The following AUTS2 variants were observed in gnomAD, a reference collection of about 807,000 sequenced individuals.
The protein encoded by AUTS2 is autism susceptibility gene 2 protein.
Under a neutral mutation model 112.4 loss-of-function variants are expected in AUTS2, and 17 were observed. The observed-to-expected ratio is 0.15, with a 90% confidence interval of 0.10 to 0.23. The LOEUF (loss-of-function observed/expected upper bound fraction) is 0.23, where lower values mean the gene tolerates loss of function less well. Among genes scored for constraint, AUTS2 ranks in the 10% least tolerant of loss-of-function variants. The pLI is 1.00. For missense variants in AUTS2, 1,510 were observed against 1,701.6 expected (o/e 0.89, Z 1.98); for synonymous variants, 751 against 702.7 (o/e 1.07, Z -1.09).
intron 1 of AUTS2, among the ~76,000 whole-genome samples, chr7:69,819,454 G>A (rs1011098791): frequency 2.0e-5 from 3 of 152,166 alleles, no homozygotes; most frequent in South Asian, 2.1e-4. Context: ...TAGGCACTTT[G>A]TCAACCTCTA....
intron 5 of AUTS2, among the ~76,000 whole-genome samples, chr7:70,505,678 T>G (rs935354368): frequency 1.4e-4 from 22 of 152,186 alleles, no homozygotes; most frequent in African/African-American, 5.1e-4. Flanking sequence ...ATACCCAGGC[T>G]AAGTCCAGCC....
chr7:70,264,152 A>T (rs1024769932), intron 4 of AUTS2, among the ~76,000 whole-genome samples: 7 of 152,098 alleles, frequency 4.6e-5, no homozygotes, highest in African/African-American at 7.2e-5. Flanking sequence ...CTTCCTAGAG[A>T]CGTTTCCTCT....
At chr7:70,703,928 G>A (rs982420765) in intron 6 of AUTS2, among the ~76,000 whole-genome samples, 3 of 152,172 alleles carry the variant, frequency 2.0e-5, no homozygotes, top group South Asian at 2.1e-4. Flanking sequence ...AGACAAAGGA[G>A]TTATGAGTAG....
rs568885615 is a variant in AUTS2 at position 70,403,276 on chromosome 7, T to G, written c.661-32476T>G. ...AGCATGGGAATAGCACACTGCAACT[T>G]CTTGCCATCCCTACCCTGGGCAAAG... On this transcript the variant is annotated intron_variant, in intron 4 of 18. Transcript: ENST00000342771. Among the ~76,000 whole-genome samples, 3 of 152,364 alleles carry G rather than the reference T, an allele frequency of 2.0e-5. No homozygotes were observed. The South Asian group carries it at 6.2e-4, about 32-fold the overall frequency.
rs368249575 is a variant in AUTS2 at position 70,186,630 on chromosome 7, C to T, written c.660+52059C>T. Among the ~76,000 whole-genome samples the T allele has an allele frequency of 1.8e-4, 27 of 152,172 alleles. No individual in the cohort carries two copies. In the East Asian group the frequency reaches 4.3e-3, roughly 24 times the overall value. ...TGTCACCCGGGCTGGAGTGCAGTGG[C>T]GTGATGTCAGCTCACTGCAACCTCC... On this transcript the variant is annotated intron_variant, in intron 4 of 18. Coordinates refer to ENST00000342771, the MANE Select transcript of AUTS2 (RefSeq NM_015570.4).
At chr7:69,709,180 C>T (rs776460398) in intron 1 of AUTS2, among the ~76,000 whole-genome samples, 4 of 152,204 alleles carry the variant, frequency 2.6e-5, no homozygotes, top group Non-Finnish European at 5.9e-5. Context: ...GGCTTAAGGG[C>T]AGAGGAGAGG....
At chr7:69,683,205 T>C (rs2129170273) in intron 1 of AUTS2, among the ~76,000 whole-genome samples, 1 of 152,328 alleles carries the variant, frequency 6.6e-6, no homozygotes, top group South Asian at 2.1e-4. Flanking sequence ...CCTCCTATCC[T>C]AGTCTTTTAA....
At chr7:70,114,613 AG>A (rs1805262036) in intron 2 of AUTS2, among the ~76,000 whole-genome samples, 1 of 152,000 alleles carries the variant, frequency 6.6e-6, no homozygotes, top group Admixed American at 6.6e-5. Flanking sequence ...ACCAACATGG[AG>A]AAACCCCATC....
At chr7:70,734,304 G>T (rs1787647396) in intron 6 of AUTS2, among the ~76,000 whole-genome samples, 1 of 152,030 alleles carries the variant, frequency 6.6e-6, no homozygotes, top group African/African-American at 2.4e-5. Flanking sequence ...GCTGGGCATG[G>T]TGGCCGGTGC....
chr7:70,473,960 C>T (rs1233100014), intron 5 of AUTS2, among the ~76,000 whole-genome samples: 1 of 152,090 alleles, frequency 6.6e-6, no homozygotes, highest in East Asian at 1.9e-4. Flanking sequence ...CTTCTTCAAG[C>T]GTGGCAGAGG....
intron 2 of AUTS2, among the ~76,000 whole-genome samples, chr7:70,045,029 G>A (rs1353400777): frequency 6.6e-6 from 1 of 151,644 alleles, no homozygotes; most frequent in Non-Finnish European, 1.5e-5. Flanking sequence ...AAGTGTTACC[G>A]GACCTATTCT....
chr7:70,115,385 G>A (rs553640872), intron 2 of AUTS2, among the ~76,000 whole-genome samples: 21 of 152,154 alleles, frequency 1.4e-4, no homozygotes, highest in African/African-American at 5.1e-4. Context: ...ATGTTTTCTG[G>A]GCTGGTCTCG....
intron 5 of AUTS2, among the ~76,000 whole-genome samples, chr7:70,693,509 G>A (rs60408354): frequency 0.12 from 18,857 of 152,178 alleles, 1,521 homozygotes; most frequent in East Asian, 0.24. Flanking sequence ...ATCAAACCGA[G>A]CACACTGCGG....
At chr7:69,648,797 G>T (rs1433482434) in intron 1 of AUTS2, among the ~76,000 whole-genome samples, 1 of 152,204 alleles carries the variant, frequency 6.6e-6, no homozygotes, top group Non-Finnish European at 1.5e-5. Context: ...GGGATTTTGT[G>T]AAGATTAATA....
intron 6 of AUTS2, among the ~76,000 whole-genome samples, chr7:70,726,604 C>T (rs947484718): frequency 1.2e-4 from 18 of 152,160 alleles, no homozygotes; most frequent in Admixed American, 3.3e-4. Flanking sequence ...CAAGTGGAAC[C>T]TTCTATAATT....
chr7:69,875,511 A>G (rs1310908362), intron 1 of AUTS2, among the ~76,000 whole-genome samples: 2 of 152,218 alleles, frequency 1.3e-5, no homozygotes, highest in Admixed American at 1.3e-4. Flanking sequence ...CATGAGGCTC[A>G]TGGGACTTAA....
chr7:70,767,534 A>G (rs1052880258), intron 9 of AUTS2, among the ~76,000 whole-genome samples: 2 of 152,204 alleles, frequency 1.3e-5, no homozygotes, highest in African/African-American at 4.8e-5. Flanking sequence ...GAACAATAGT[A>G]TACTCTTTTT....
At position 70,764,747 on chromosome 7, in the gene AUTS2, G is replaced by A. The variant is rs370414676; in HGVS notation, c.1215-5G>A. 6.1e-5 allele frequency: 44 copies of A among 724,876 alleles called. 1 individual carries two copies. Among genetic ancestry groups the A allele is most frequent in the South Asian group, 1.2e-4 (8 of 67,522 alleles). The allele number at this position is 724,876 out of a possible 1,614,324, so 44.9% of individuals were successfully genotyped here. A position where few individuals can be genotyped will look rare whatever the true frequency, so the allele number is the denominator to read the frequency against. Reference sequence around the variant, plus strand: ...TTTCTTTTCTTTTTTTTCTTGTTCCGATAGCAGCAGCAGAAGCAGCACTCC... The same window carrying A: ...TTTCTTTTCTTTTTTTTCTTGTTCCAATAGCAGCAGCAGAAGCAGCACTCC... On this transcript the variant is annotated splice_polypyrimidine_tract_variant and splice_region_variant and intron_variant, in intron 7 of 18. Transcript: ENST00000342771.
At chr7:70,085,452 G>A (rs925511023) in intron 2 of AUTS2, among the ~76,000 whole-genome samples, 6 of 151,092 alleles carry the variant, frequency 4.0e-5, no homozygotes, top group Non-Finnish European at 8.8e-5. Flanking sequence ...TGCAACCTCC[G>A]CCTCTGTGTT....
Sources: allele counts gnomAD v4.1 joint callset (sites outside exome capture counted in the v4.1 genomes callset), GRCh38; gene constraint gnomAD v4.1.1; transcripts MANE v1.5; gene names NCBI Gene and HGNC (gene_info 2026-07-23, HGNC 2026-07-21).